Variants in ANXA8 observed in about 807,000 individuals in gnomAD.
The protein encoded by ANXA8 is annexin A8.
Under a neutral mutation model 26.8 loss-of-function variants are expected in ANXA8, and 9 were observed. The ratio of observed to expected loss-of-function variants is 0.34; its 90% CI spans 0.20 to 0.59. The LOEUF is 0.59. Among genes scored for constraint, ANXA8 ranks in the 20% least tolerant of loss-of-function variants. The pLI is 0.84. For synonymous variants in ANXA8, 39 were observed against 94.8 expected (o/e 0.41, Z 3.42); for missense variants, 83 against 238.5 (o/e 0.35, Z 4.29).
chr10:47,945,113 G>A, the ANXA8 span, among the ~76,000 whole-genome samples: 67 of 150,458 alleles, frequency 4.5e-4, no homozygotes, highest in South Asian at 7.6e-3. Flanking sequence ...GACTGGCTCA[G>A]GCCCTGAGTT....
At chr10:47,720,055 AT>A in the ANXA8 span, 1 of 1,270,054 alleles carries the variant, frequency 7.9e-7, no homozygotes, top group South Asian at 1.3e-5. Context: ...AAGAAAATAT[AT>A]TATAGGTAAG....
the ANXA8 span, among the ~76,000 whole-genome samples, chr10:47,738,599 C>T: frequency 6.6e-5 from 10 of 151,128 alleles, no homozygotes; most frequent in Non-Finnish European, 1.3e-4. Flanking sequence ...TTTTTTGATA[C>T]AGGGTCTCAC....
At chr10:47,776,911 G>A in the ANXA8 span, among the ~76,000 whole-genome samples, 2 of 151,320 alleles carry the variant, frequency 1.3e-5, no homozygotes, top group African/African-American at 2.4e-5. Flanking sequence ...CCTAGGTATT[G>A]TGATGTGAGA....
At chr10:47,633,772 AC>A in the ANXA8 span, among the ~76,000 whole-genome samples, 3 of 149,666 alleles carry the variant, frequency 2.0e-5, 1 homozygote, top group Non-Finnish European at 4.4e-5. Context: ...ACTGTAAAGG[AC>A]CACTTTAGAT....
the ANXA8 span, among the ~76,000 whole-genome samples, chr10:47,926,024 T>A: frequency 2.0e-5 from 1 of 49,882 alleles, no homozygotes. Flanking sequence ...TCTTGCTGGA[T>A]ATCTTTTTTT....
At position 47,484,032 on chromosome 10, in the gene ANXA8, G is replaced by C; in HGVS notation, c.-99C>G. The C allele has an allele frequency of 6.2e-7, 1 of 1,611,456 alleles. No homozygotes were observed. The highest frequency in any genetic ancestry group is 8.5e-7 in the Non-Finnish European group (1 of 1,179,712). ...TCTGGCTCCTGCAGCTGAGGAGTGA[G>C]CAGGCCGCTCACTTGGGTGTGGGGG... is the stretch of plus-strand genomic sequence containing the variant. On this transcript the variant is annotated 5_prime_UTR_variant, in exon 1 of 12. Transcript: ENST00000585281.
chr10:47,945,516 G>T, the ANXA8 span, among the ~76,000 whole-genome samples: 1 of 150,104 alleles, frequency 6.7e-6, no homozygotes, highest in Admixed American at 6.6e-5. Flanking sequence ...AAACCAGGGT[G>T]AAGATGGGCC....
At chr10:47,619,414 G>T in the ANXA8 span, among the ~76,000 whole-genome samples, 1 of 112,628 alleles carries the variant, frequency 8.9e-6, no homozygotes, top group Non-Finnish European at 1.9e-5. Context: ...TGGAGTTACT[G>T]ATCTCCAACT....
the ANXA8 span, among the ~76,000 whole-genome samples, chr10:47,932,787 T>A: frequency 2.4e-5 from 2 of 83,450 alleles, no homozygotes; most frequent in African/African-American, 6.1e-5. Flanking sequence ...CAGGGAGATG[T>A]CCATCTGCAA....
the ANXA8 span, among the ~76,000 whole-genome samples, chr10:47,722,711 C>T: frequency 2.1e-5 from 3 of 141,778 alleles, 1 homozygote; most frequent in East Asian, 8.4e-4. Flanking sequence ...CTTTTTGTGA[C>T]CTAGACTCAG....
chr10:47,691,750 C>A, the ANXA8 span, among the ~76,000 whole-genome samples: 2 of 149,048 alleles, frequency 1.3e-5, no homozygotes, highest in African/African-American at 5.2e-5. Flanking sequence ...CAGAGTTAGA[C>A]CTTTCTGCTT....
At chr10:47,721,166 G>T in the ANXA8 span, among the ~76,000 whole-genome samples, 2 of 141,212 alleles carry the variant, frequency 1.4e-5, 1 homozygote, top group East Asian at 5.6e-4. Context: ...AACAAAAAAT[G>T]CATGGTATGT....
the ANXA8 span, among the ~76,000 whole-genome samples, chr10:47,566,266 C>A: frequency 6.6e-6 from 1 of 151,598 alleles, no homozygotes; most frequent in Non-Finnish European, 1.5e-5. Context: ...AAGAGGCCAC[C>A]TTCAGTCGCA....
chr10:47,990,828 C>T, the ANXA8 span, among the ~76,000 whole-genome samples: 5 of 142,420 alleles, frequency 3.5e-5, no homozygotes, highest in African/African-American at 1.3e-4. Flanking sequence ...GAGATGTCAC[C>T]TCTGTCCCCT....
the ANXA8 span, among the ~76,000 whole-genome samples, chr10:47,898,999 A>G: frequency 2.0e-5 from 3 of 149,480 alleles, no homozygotes; most frequent in Non-Finnish European, 4.5e-5. Flanking sequence ...ATGATCAGCT[A>G]ATTTTTGTAT....
the ANXA8 span, among the ~76,000 whole-genome samples, chr10:47,704,897 TG>T: frequency 1.3e-5 from 2 of 152,020 alleles, no homozygotes; most frequent in Non-Finnish European, 2.9e-5. Context: ...ATTCATTAAT[TG>T]GAAGATTTAA....
the ANXA8 span, among the ~76,000 whole-genome samples, chr10:47,556,980 A>G: frequency 6.7e-6 from 1 of 150,010 alleles, no homozygotes; most frequent in Non-Finnish European, 1.5e-5. Flanking sequence ...TAAAGCAATT[A>G]AAGTATAATT....
At chr10:47,778,493 G>A in the ANXA8 span, among the ~76,000 whole-genome samples, 1 of 151,720 alleles carries the variant, frequency 6.6e-6, no homozygotes, top group Admixed American at 6.6e-5. Flanking sequence ...GTTGAGAAAC[G>A]TAATCAAGTG....
chr10:47,588,805 C>T, the ANXA8 span: 1 of 107,718 alleles, frequency 9.3e-6, no homozygotes, highest in Non-Finnish European at 1.8e-5. Context: ...CACTGTCTTT[C>T]TCTCTCTTTT....
Sources: gnomAD v4.1 joint callset for allele counts (sites outside exome capture counted in the v4.1 genomes callset) on GRCh38, gnomAD v4.1.1 for gene constraint, MANE v1.5 for transcripts, NCBI Gene and HGNC (gene_info 2026-07-23, HGNC 2026-07-21) for gene names.